PLCL1: variants seen among roughly 807,000 people sequenced by gnomAD.
The protein encoded by PLCL1 is phospholipase C like 1 (inactive).
PLCL1 carries 41 observed loss-of-function variants against 84.4 expected under a neutral mutation model. That is an observed-to-expected ratio of 0.49 (90% CI 0.38 to 0.63). PLCL1 has a LOEUF of 0.63. PLCL1 is among the 30% of genes least tolerant of loss of function. The pLI, the probability that PLCL1 is intolerant of heterozygous loss-of-function variation, is 0.00. For synonymous variants in PLCL1, 490 were observed against 488.3 expected (o/e 1.00, Z -0.05); for missense variants, 1,206 against 1,367.8 (o/e 0.88, Z 1.87).
intron 1 of PLCL1, among the ~76,000 whole-genome samples, chr2:198,008,347 A>G (rs1391696810): frequency 2.0e-5 from 3 of 152,030 alleles, no homozygotes; most frequent in Admixed American, 6.6e-5. Flanking sequence ...CTCTCTACTC[A>G]TGAAACAACT....
intron 1 of PLCL1, among the ~76,000 whole-genome samples, chr2:197,824,973 T>C (rs1179394904): frequency 6.6e-6 from 1 of 152,080 alleles, no homozygotes; most frequent in Admixed American, 6.6e-5. Context: ...TTATTATAAG[T>C]AATAATTTGG....
intron 1 of PLCL1, among the ~76,000 whole-genome samples, chr2:197,890,876 C>CAT (rs930737774): frequency 8.5e-4 from 27 of 31,694 alleles, no homozygotes; most frequent in Non-Finnish European, 1.3e-3. Context: ...TACATATATG[C>CAT]ATATATATAT....
intron 1 of PLCL1, among the ~76,000 whole-genome samples, chr2:198,010,798 GTTAT>G (rs1344198845): frequency 6.7e-6 from 1 of 150,130 alleles, no homozygotes; most frequent in Non-Finnish European, 1.5e-5. Flanking sequence ...CTTTTGGAAG[GTTAT>G]TTTTTTTTTT....
chr2:197,975,557 A>G lies in PLCL1; in HGVS notation c.241-108201A>G, dbSNP rs554172100. Among the ~76,000 whole-genome samples, 5 of 152,264 alleles carry G rather than the reference A, an allele frequency of 3.3e-5. No homozygotes were observed. In the East Asian group the frequency reaches 9.6e-4, roughly 29 times the overall value. ...GGCCAGGCACCCCTGCAATCCCAGT[A>G]CTTTGGGAGGCCTAGGTGGGAAGAT... is the stretch of plus-strand genomic sequence containing the variant. On this transcript the variant is annotated intron_variant, in intron 1 of 5. Coordinates refer to ENST00000428675, the MANE Select transcript of PLCL1 (RefSeq NM_006226.4).
intron 3 of PLCL1, among the ~76,000 whole-genome samples, chr2:198,096,411 T>C (rs1346236725): frequency 6.6e-6 from 1 of 152,242 alleles, no homozygotes; most frequent in Non-Finnish European, 1.5e-5. Context: ...GAGCTTTTCC[T>C]TTTCAGTGTT....
chr2:198,122,041 T>C (rs772736961), intron 5 of PLCL1, among the ~76,000 whole-genome samples: 7 of 152,082 alleles, frequency 4.6e-5, no homozygotes, highest in Non-Finnish European at 1.0e-4. Flanking sequence ...TACACAGATA[T>C]CCTGAGTATA....
intron 1 of PLCL1, among the ~76,000 whole-genome samples, chr2:197,959,034 A>G (rs1303566873): frequency 6.6e-6 from 1 of 152,064 alleles, no homozygotes; most frequent in Non-Finnish European, 1.5e-5. Flanking sequence ...AGTACAGTAT[A>G]CCGAAATATA....
chr2:198,137,172 G>C (rs1694274088), intron 5 of PLCL1, among the ~76,000 whole-genome samples: 1 of 151,936 alleles, frequency 6.6e-6, no homozygotes, highest in Non-Finnish European at 1.5e-5. Context: ...AAACAATATA[G>C]AGATTAAGAA....
intron 5 of PLCL1, among the ~76,000 whole-genome samples, chr2:198,142,537 T>C (rs1168551471): frequency 6.6e-6 from 1 of 152,196 alleles, no homozygotes; most frequent in African/African-American, 2.4e-5. Context: ...ATGTTTGTTT[T>C]TTAAATATTC....
chr2:197,845,005 C>G (rs930725395), intron 1 of PLCL1, among the ~76,000 whole-genome samples: 17 of 152,022 alleles, frequency 1.1e-4, no homozygotes, highest in African/African-American at 4.1e-4. Flanking sequence ...AGTATCTTAT[C>G]CAGTTCAGCT....
chr2:197,992,195 C>T (rs991573321), intron 1 of PLCL1, among the ~76,000 whole-genome samples: 1 of 151,968 alleles, frequency 6.6e-6, no homozygotes, highest in South Asian at 2.1e-4. Context: ...GGTATATCTC[C>T]CAATCAGCAT....
At chr2:197,940,365 A>G (rs1052063253) in intron 1 of PLCL1, among the ~76,000 whole-genome samples, 1 of 152,204 alleles carries the variant, frequency 6.6e-6, no homozygotes, top group Admixed American at 6.5e-5. Context: ...TAAGTTGACT[A>G]AAGTGTCACA....
In PLCL1 at chr2:197,836,579, C is replaced by T. The variant is rs1041776955; in HGVS notation, c.240+31240C>T. Among the ~76,000 whole-genome samples the T allele has an allele frequency of 9.9e-5, 15 of 150,840 alleles. No homozygotes were observed. The Middle Eastern group carries it at 0.014, about 141-fold the overall frequency. ...TAAGCTTGCTAAATTTTTGTTAGCTCTGTTAAAACAGGTCTTCTGTATTCC... is the reference window on the plus strand; with the variant it reads ...TAAGCTTGCTAAATTTTTGTTAGCTTTGTTAAAACAGGTCTTCTGTATTCC... On this transcript the variant is annotated intron_variant, in intron 1 of 5. Transcript: ENST00000428675.
chr2:197,960,030 G>C (rs1189069218), intron 1 of PLCL1, among the ~76,000 whole-genome samples: 3 of 152,064 alleles, frequency 2.0e-5, no homozygotes, highest in Non-Finnish European at 4.4e-5. Flanking sequence ...GTGAATGCCC[G>C]AGCTTGGGCT....
At chr2:198,055,294 C>CCTCTCTCTCTCTCT (rs772260935) in intron 1 of PLCL1, among the ~76,000 whole-genome samples, 7 of 120,326 alleles carry the variant, frequency 5.8e-5, no homozygotes, top group African/African-American at 2.0e-4. Context: ...CTGGTCAAAG[C>CCTCTCTCTCTCTCT]CTCTCTCTCT....
chr2:197,896,829 C>T (rs1462600906), intron 1 of PLCL1, among the ~76,000 whole-genome samples: 2 of 149,530 alleles, frequency 1.3e-5, no homozygotes, highest in Admixed American at 1.3e-4. Flanking sequence ...AGTGATTGGT[C>T]TCTGTTTTAC....
chr2:197,951,934 C>A (rs1309611782), intron 1 of PLCL1, among the ~76,000 whole-genome samples: 1 of 152,114 alleles, frequency 6.6e-6, no homozygotes, highest in Non-Finnish European at 1.5e-5. Flanking sequence ...AGTCCAGAAA[C>A]CTGGAGACTA....
intron 1 of PLCL1, among the ~76,000 whole-genome samples, chr2:197,920,571 G>A (rs984728858): frequency 6.6e-6 from 1 of 152,188 alleles, no homozygotes; most frequent in Non-Finnish European, 1.5e-5. Flanking sequence ...GCAAAATAGA[G>A]TAAGTATATA....
At chr2:197,901,328 T>C (rs1688262748) in intron 1 of PLCL1, among the ~76,000 whole-genome samples, 1 of 152,098 alleles carries the variant, frequency 6.6e-6, no homozygotes, top group Non-Finnish European at 1.5e-5. Flanking sequence ...AAGGCAAAAA[T>C]ATACAATCTT....
Sources: gnomAD v4.1 joint callset for allele counts (sites outside exome capture counted in the v4.1 genomes callset) on GRCh38, gnomAD v4.1.1 for gene constraint, MANE v1.5 for transcripts, NCBI Gene and HGNC (gene_info 2026-07-23, HGNC 2026-07-21) for gene names.